Variants in HPSE2 observed in about 807,000 individuals in gnomAD.
The protein encoded by HPSE2 is heparanase 2 (inactive), also known as inactive heparanase-2.
Under a neutral mutation model 60.5 loss-of-function variants are expected in HPSE2, and 38 were observed. That is an observed-to-expected ratio of 0.63 (90% confidence interval 0.48 to 0.82). The LOEUF is 0.82. Among genes scored for constraint, HPSE2 ranks in the 40% least tolerant of loss-of-function variants. HPSE2 has a pLI of 0.00. For synonymous variants in HPSE2, 295 were observed against 293.2 expected, an observed-to-expected ratio of 1.01 and a Z score of -0.06; for missense variants, 713 against 740.4, an observed-to-expected ratio of 0.96 and a Z score of 0.43.
chr10:99,282,297 T>C, the HPSE2 span, among the ~76,000 whole-genome samples: 1 of 152,024 alleles, frequency 6.6e-6, no homozygotes, highest in African/African-American at 2.4e-5. Context: ...CAAATTAAGA[T>C]ATTGTATGTT....
intron 3 of HPSE2, among the ~76,000 whole-genome samples, chr10:99,003,130 C>T (rs1589498455): frequency 6.6e-6 from 1 of 152,074 alleles, no homozygotes. Context: ...CTCTTTATTT[C>T]ACTTAATATA....
chr10:98,574,572 G>A (rs605169), intron 9 of HPSE2, among the ~76,000 whole-genome samples: 129,108 of 152,000 alleles, frequency 0.85, 56,100 homozygotes, highest in East Asian at 1. Context: ...TGAAGAATCT[G>A]GAACCACTCT....
chr10:98,969,741 A>G (rs959739713), intron 3 of HPSE2, among the ~76,000 whole-genome samples: 1 of 152,178 alleles, frequency 6.6e-6, no homozygotes, highest in African/African-American at 2.4e-5. Context: ...GTGTTAGGCC[A>G]TTCTTGCATT....
At chr10:98,948,205 C>A (rs1162951368) in intron 3 of HPSE2, among the ~76,000 whole-genome samples, 1 of 152,106 alleles carries the variant, frequency 6.6e-6, no homozygotes, top group Non-Finnish European at 1.5e-5. Context: ...TAAATTCCTG[C>A]TGGAGAAGAC....
chr10:99,106,618 AAATAAT>A (rs138669245), intron 3 of HPSE2, among the ~76,000 whole-genome samples: 6 of 151,460 alleles, frequency 4.0e-5, no homozygotes, highest in South Asian at 4.2e-4. Context: ...TTGTATCTAA[AAATAAT>A]AATAATAATA....
chr10:98,572,900 C>T (rs1380077001), intron 9 of HPSE2, among the ~76,000 whole-genome samples: 1 of 152,190 alleles, frequency 6.6e-6, no homozygotes, highest in African/African-American at 2.4e-5. Context: ...GTACTAGGAA[C>T]TGACTGTGTG....
At chr10:99,274,961 TC>T in the HPSE2 span, among the ~76,000 whole-genome samples, 2 of 152,234 alleles carry the variant, frequency 1.3e-5, no homozygotes, top group Non-Finnish European at 2.9e-5. Flanking sequence ...CCTTTTCCAG[TC>T]CAGTTCTCAT....
At chr10:99,121,278 C>A (rs565527277) in intron 3 of HPSE2, among the ~76,000 whole-genome samples, 209 of 152,120 alleles carry the variant, frequency 1.4e-3, no homozygotes, top group Middle Eastern at 6.8e-3. Context: ...ACAACAGATA[C>A]TGGGGCCTAT....
intron 3 of HPSE2, among the ~76,000 whole-genome samples, chr10:98,760,881 T>C (rs2134386093): frequency 6.6e-6 from 1 of 152,192 alleles, no homozygotes; most frequent in Non-Finnish European, 1.5e-5. Context: ...TTTGGATGAG[T>C]TTGAGAAGGA....
At chr10:99,105,475 G>GT (rs1005355856) in intron 3 of HPSE2, among the ~76,000 whole-genome samples, 62 of 142,422 alleles carry the variant, frequency 4.4e-4, no homozygotes, top group African/African-American at 1.3e-3. Flanking sequence ...TTTTAATTGG[G>GT]TTTTTTTTTA....
At chr10:98,941,931 C>T (rs919754618) in intron 3 of HPSE2, among the ~76,000 whole-genome samples, 4 of 142,290 alleles carry the variant, frequency 2.8e-5, no homozygotes, top group African/African-American at 8.6e-5. Context: ...TGCCACATAT[C>T]TACAGCTATC....
At chr10:98,726,401 C>G (rs930356519) in intron 4 of HPSE2, among the ~76,000 whole-genome samples, 1 of 149,440 alleles carries the variant, frequency 6.7e-6, no homozygotes, top group South Asian at 2.1e-4. Context: ...AACCAAATGC[C>G]GCATGTTCTC....
chr10:98,796,297 C>T (rs2134504488), intron 3 of HPSE2, among the ~76,000 whole-genome samples: 1 of 152,204 alleles, frequency 6.6e-6, no homozygotes, highest in Middle Eastern at 3.4e-3. Context: ...AGCTCACTTC[C>T]CTGAAGAGTT....
chr10:98,614,859 T>C lies in HPSE2; in HGVS notation c.1320+45A>G, dbSNP rs756732567. 4 of 1,283,512 alleles carry C rather than the reference T, an allele frequency of 3.1e-6. No individual in the cohort carries two copies. In the East Asian group the frequency reaches 9.2e-5, roughly 30 times the overall value. The allele number at this position is 1,283,512 out of a possible 1,614,324, so 79.5% of individuals were successfully genotyped here. A position where few individuals can be genotyped will look rare whatever the true frequency, so the allele number is the denominator to read the frequency against. ...TGGAACAAGGCATGATCAAAAGAAC[T>C]GAATGACATGGAAAAGGGATTGGGA... On this transcript the variant is annotated intron_variant, in intron 9 of 11. Transcript: ENST00000370552.
At position 99,132,201 on chromosome 10, in the gene HPSE2, G is replaced by C. The variant is rs867298082; in HGVS notation, c.610+12037C>G. On this transcript the variant is annotated intron_variant, in intron 3 of 11. Coordinates refer to ENST00000370552, the MANE Select transcript of HPSE2 (RefSeq NM_021828.5). Reference sequence around the variant, plus strand: ...AGAAAGAAAGAAAGAAAGAGAGAGAGAGAGAGAGAGAGAGAGAGAGAGAGA... The same window carrying C: ...AGAAAGAAAGAAAGAAAGAGAGAGACAGAGAGAGAGAGAGAGAGAGAGAGA... Among the ~76,000 whole-genome samples the C allele has an allele frequency of 1.1e-3, 19 of 17,102 alleles. 1 individual carries two copies. The highest frequency in any genetic ancestry group is 1.9e-3 in the African/African-American group (18 of 9,672). 11.2% of individuals were successfully genotyped at this position (17,102 alleles called of 152,430 possible). A position where few individuals can be genotyped will look rare whatever the true frequency, so the allele number is the denominator to read the frequency against.
the HPSE2 span, among the ~76,000 whole-genome samples, chr10:99,288,782 G>A: frequency 1.3e-5 from 2 of 150,406 alleles, no homozygotes; most frequent in Non-Finnish European, 3.0e-5. Context: ...ATGAAAACTG[G>A]TAGATTATAT....
At chr10:98,888,877 T>G in intron 3 of HPSE2, among the ~76,000 whole-genome samples, 1 of 152,290 alleles carries the variant, frequency 6.6e-6, no homozygotes, top group South Asian at 2.1e-4. Flanking sequence ...AAACTAGTAA[T>G]TTAGTCCTAC....
chr10:99,056,190 A>G (rs1319894007), intron 3 of HPSE2, among the ~76,000 whole-genome samples: 4 of 152,140 alleles, frequency 2.6e-5, no homozygotes, highest in Admixed American at 6.5e-5. Context: ...ATGGCAAAAC[A>G]TTTGGTAACT....
At chr10:99,294,191 G>A in the HPSE2 span, among the ~76,000 whole-genome samples, 1 of 151,694 alleles carries the variant, frequency 6.6e-6, no homozygotes, top group East Asian at 1.9e-4. Flanking sequence ...ATAGGATGGT[G>A]GTAAAGAGTG....
Sources: allele counts gnomAD v4.1 joint callset (sites outside exome capture counted in the v4.1 genomes callset), GRCh38; gene constraint gnomAD v4.1.1; transcripts MANE v1.5; gene names NCBI Gene and HGNC (gene_info 2026-07-23, HGNC 2026-07-21).